DAPK1: variants seen among roughly 807,000 people sequenced by gnomAD.
The protein encoded by DAPK1 is death-associated protein kinase 1.
DAPK1 carries 56 observed loss-of-function variants against 144.9 expected under a neutral mutation model. That is an observed-to-expected ratio of 0.39 (90% CI 0.31 to 0.48). DAPK1 has a LOEUF of 0.48. Among genes scored for constraint, DAPK1 ranks in the 20% least tolerant of loss-of-function variants. The pLI is 0.95. For synonymous variants in DAPK1, 690 were observed against 749.0 expected (o/e 0.92, Z 1.29); for missense variants, 1,454 against 1,875.4 (o/e 0.78, Z 4.15).
At chr9:87,510,548 A>G (rs1270043294) in intron 2 of DAPK1, among the ~76,000 whole-genome samples, 1 of 152,222 alleles carries the variant, frequency 6.6e-6, no homozygotes, top group Non-Finnish European at 1.5e-5. Context: ...TGGAGTAGAT[A>G]ACTGGCCACT....
At chr9:87,667,376 C>T (rs921292994) in intron 18 of DAPK1, among the ~76,000 whole-genome samples, 1 of 152,212 alleles carries the variant, frequency 6.6e-6, no homozygotes, top group Non-Finnish European at 1.5e-5. Flanking sequence ...ATTTTGCCTC[C>T]TCCCCCAGCA....
intron 21 of DAPK1, among the ~76,000 whole-genome samples, chr9:87,687,892 G>T (rs1358538979): frequency 6.6e-6 from 1 of 152,068 alleles, no homozygotes; most frequent in Non-Finnish European, 1.5e-5. Context: ...TTTCTTGGAT[G>T]ATTAGTGATA....
rs560826894 is a variant in DAPK1, at chr9:87,602,924, C to T, written c.63-2030C>T. ...TTTTTCTTTCTCTGTCTCTCTGTTT[C>T]TCTCTCTCTCTCTCTCTCTCTCTCA... On this transcript the variant is annotated intron_variant, in intron 2 of 25. Transcript: ENST00000408954. Among the ~76,000 whole-genome samples the T allele has an allele frequency of 2.5e-4, 35 of 137,432 alleles. 1 individual carries two copies. In the South Asian group the frequency reaches 7.8e-3, roughly 31 times the overall value. 90.2% of individuals were successfully genotyped at this position (137,432 alleles called of 152,430 possible).
rs1275072610 is a variant in DAPK1, at chr9:87,605,037, C to T, written c.146C>T (p.Thr49Ile). 2 of 1,614,210 alleles carry T rather than the reference C, an allele frequency of 1.2e-6. No homozygotes were observed. The highest frequency in any genetic ancestry group is 1.7e-6 in the Non-Finnish European group (2 of 1,180,030). The stretch of plus-strand genomic sequence containing the variant: ...GCCAAATTCATCAAGAAAAGGAGGA[C>T]TAAGTCCAGCCGGCGGGGTGTGAGC... ...YAAKFIKKRR[T>I]KSSRRGVSRE... The change falls in exon 3 of 26, where the codon ACT becomes ATT. Residue 49 changes from threonine (T) to isoleucine (I), a missense_variant. By Grantham distance (89) the Thr-to-Ile change is moderately conservative. This residue lies in a region of DAPK1 where 429 missense variants were observed against 637.5 expected (regional missense o/e 0.67). Transcript: ENST00000408954.
At chr9:87,553,496 CTT>C (rs869260287) in intron 2 of DAPK1, 62 of 80,422 alleles carry the variant, frequency 7.7e-4, no homozygotes, top group African/African-American at 1.9e-3. Context: ...CTTTTCTTTT[CTT>C]TTTTTTTTTT....
chr9:87,645,581 G>C (rs1830237961), intron 11 of DAPK1, among the ~76,000 whole-genome samples: 1 of 152,114 alleles, frequency 6.6e-6, no homozygotes, highest in Admixed American at 6.5e-5. Flanking sequence ...ACTATGTTTT[G>C]ACAGATTCTT....
Position 87,648,801 on chromosome 9 carries a change from C to T in DAPK1, c.1350C>T (p.His450=), listed in dbSNP as rs375721291. ...VKDKSGEMAL[H]VAARYGHADV... ...TGCAGTCTGGAGAGATGGCCCTCCA[C>T]GTGGCAGCTCGCTATGGCCATGCTG... The change falls in exon 15 of 26, where the codon CAC becomes CAT. Residue 450 remains histidine, a synonymous_variant. Transcript: ENST00000408954. 62 of 1,614,186 alleles carry T rather than the reference C, an allele frequency of 3.8e-5. No individual in the cohort carries two copies. In the African/African-American group the frequency reaches 6.1e-4, roughly 16 times the overall value.
At chr9:87,563,732 A>C (rs1827015050) in intron 2 of DAPK1, among the ~76,000 whole-genome samples, 1 of 152,038 alleles carries the variant, frequency 6.6e-6, no homozygotes, top group Admixed American at 6.6e-5. Context: ...CTCCCACCCC[A>C]CCGCCTCTCA....
At chr9:87,616,836 C>T (rs1176102787) in intron 3 of DAPK1, among the ~76,000 whole-genome samples, 1 of 152,228 alleles carries the variant, frequency 6.6e-6, no homozygotes, top group East Asian at 1.9e-4. Flanking sequence ...GGAAACTGTT[C>T]TCCTTTTCTG....
intron 2 of DAPK1, among the ~76,000 whole-genome samples, chr9:87,534,443 T>C (rs1825798773): frequency 6.6e-6 from 1 of 152,148 alleles, no homozygotes. Context: ...AGATGTTTAC[T>C]TTCCATTGAG....
intron 6 of DAPK1, 34 bp downstream of exon 6, chr9:87,639,732 T>G: frequency 3.7e-6 from 6 of 1,613,678 alleles, no homozygotes; most frequent in Non-Finnish European, 4.2e-6. Context: ...GTTTGCTTTC[T>G]GATTTATTTG....
chr9:87,697,488 A>G (rs563519833), intron 22 of DAPK1, among the ~76,000 whole-genome samples: 55 of 152,354 alleles, frequency 3.6e-4, no homozygotes, highest in Middle Eastern at 3.4e-3. Flanking sequence ...GCCCACTTTG[A>G]ACAATCCTTT....
At chr9:87,525,425 C>T in intron 2 of DAPK1, 1 of 1,610,930 alleles carries the variant, frequency 6.2e-7, no homozygotes, top group South Asian at 1.1e-5. Flanking sequence ...TATGTGCCGC[C>T]AGTGTTTCCG....
chr9:87,694,125 A>G (rs1181774054), intron 21 of DAPK1, among the ~76,000 whole-genome samples: 1 of 152,172 alleles, frequency 6.6e-6, no homozygotes, highest in Admixed American at 6.5e-5. Flanking sequence ...CCTGGGCAGC[A>G]GGCGTGGTGT....
intron 25 of DAPK1, among the ~76,000 whole-genome samples, chr9:87,705,497 C>T (rs769561205): frequency 1.2e-4 from 18 of 152,176 alleles, no homozygotes; most frequent in Non-Finnish European, 2.2e-4. Flanking sequence ...GCTGGGATTA[C>T]AGGCATGAGT....
chr9:87,626,917 A>C (rs1829513080), intron 3 of DAPK1, among the ~76,000 whole-genome samples: 1 of 151,790 alleles, frequency 6.6e-6, no homozygotes, highest in Non-Finnish European at 1.5e-5. Flanking sequence ...TGTACACCAT[A>C]CTCGTGATAG....
rs1392351081 is a variant in DAPK1, at chr9:87,697,090, A to G, written c.2497A>G (p.Thr833Ala). 6.4e-7 allele frequency: 1 copy of G among 1,559,252 alleles called. No homozygotes were observed. The highest frequency in any genetic ancestry group is 1.4e-5 in the African/African-American group (1 of 73,780). The stretch of plus-strand genomic sequence containing the variant: ...TGACTATTTTGCTGCAAATGATCCC[A>G]CGTCAATCCATGTTGTTGTCTTTAG... ...CYDYFAANDP[T>A]SIHVVVFSLE... Residue 833 changes from threonine to alanine, a missense_variant, in exon 22 of 26, where the codon ACG becomes GCG. Thr to Ala is a moderately conservative substitution (Grantham distance 58). Around this residue, in one of 2 missense-constraint regions of DAPK1, gnomAD observed 1,025 missense variants for 1,237.9 expected, o/e 0.83. Coordinates refer to ENST00000408954, the MANE Select transcript of DAPK1 (RefSeq NM_004938.4).
chr9:87,544,607 TTATTTTTGTGA>T (rs1462256794), intron 2 of DAPK1, among the ~76,000 whole-genome samples: 2 of 152,206 alleles, frequency 1.3e-5, no homozygotes, highest in Non-Finnish European at 2.9e-5. Context: ...CTGAAAATTA[TTATTTTTGTGA>T]TATTTTTAGT....
At chr9:87,548,078 G>A (rs2118532053) in intron 2 of DAPK1, among the ~76,000 whole-genome samples, 1 of 152,298 alleles carries the variant, frequency 6.6e-6, no homozygotes, top group South Asian at 2.1e-4. Context: ...TCTGTCAGAT[G>A]AACACTGTTA....
Sources: gnomAD v4.1 joint callset for allele counts (sites outside exome capture counted in the v4.1 genomes callset) on GRCh38, gnomAD v4.1.1 for gene constraint, gnomAD v4.1.1 regional missense constraint, MANE v1.5 for transcripts, NCBI Gene and HGNC (gene_info 2026-07-23, HGNC 2026-07-21) for gene names.